Variants in NMT2 observed in about 807,000 individuals in gnomAD.
The protein encoded by NMT2 is N-myristoyltransferase 2.
In NMT2, 35 loss-of-function variants were observed where a neutral mutation model predicts 65.4. That is an observed-to-expected ratio of 0.54 (90% CI 0.41 to 0.71). The LOEUF is 0.71. Ranked by LOEUF, NMT2 falls within the 30% of genes least tolerant of loss-of-function variation. The pLI, the probability that NMT2 is intolerant of heterozygous loss-of-function variation, is 0.00. For missense variants in NMT2, 489 were observed against 611.3 expected, an observed-to-expected ratio of 0.80 and a Z score of 2.11; for synonymous variants, 226 against 231.8, an observed-to-expected ratio of 0.98 and a Z score of 0.23.
intron 1 of NMT2, among the ~76,000 whole-genome samples, chr10:15,149,207 T>C (rs200214173): frequency 3.6e-4 from 47 of 131,902 alleles, no homozygotes. Flanking sequence ...ATCACCACCA[T>C]CATCACCATC....
intron 3 of NMT2, among the ~76,000 whole-genome samples, chr10:15,134,421 G>A (rs934759852): frequency 6.6e-6 from 1 of 152,168 alleles, no homozygotes; most frequent in Admixed American, 6.5e-5. Flanking sequence ...GTCCTCAAGG[G>A]ACGGGCCCCT....
chr10:15,136,245 GAAGGGAAGGGAAGGGA>G (rs1381994187), intron 2 of NMT2, among the ~76,000 whole-genome samples: 2 of 146,766 alleles, frequency 1.4e-5, no homozygotes, highest in African/African-American at 2.5e-5. Flanking sequence ...AAAGGGAAAG[GAAGGGAAGGGAAGGGA>G]AAGGGAAGGG....
chr10:15,162,050 C>T (rs189536119), intron 1 of NMT2, among the ~76,000 whole-genome samples: 5 of 151,958 alleles, frequency 3.3e-5, no homozygotes, highest in Admixed American at 6.6e-5. Context: ...TTCAGGAGTT[C>T]GAGACCAGCC....
rs577993136 is a variant in NMT2, at chr10:15,108,102, C to T, written c.*1093G>A. 212 of 985,342 alleles carry T rather than the reference C, an allele frequency of 2.2e-4. No individual in the cohort carries two copies. The African/African-American group carries it at 3.4e-3, about 16-fold the overall frequency. 61.0% of individuals were successfully genotyped at this position (985,342 alleles called of 1,614,324 possible). ...ACTTTACAGTTTTTTATTTCCTTTT[C>T]TTCATATATCCTTGATGTTGCTGAG... On this transcript the variant is annotated 3_prime_UTR_variant, in exon 12 of 12. Transcript: ENST00000378165.
chr10:15,127,982 C>T (rs1167920552), intron 8 of NMT2, among the ~76,000 whole-genome samples: 1 of 152,120 alleles, frequency 6.6e-6, no homozygotes, highest in Non-Finnish European at 1.5e-5. Context: ...TATTTCCACT[C>T]GCTGGGTCTC....
chr10:15,143,945 T>A (rs902613790), intron 1 of NMT2, among the ~76,000 whole-genome samples: 3 of 152,212 alleles, frequency 2.0e-5, no homozygotes, highest in Admixed American at 6.5e-5. Flanking sequence ...GGAGACATTT[T>A]AAAAAATTAA....
intron 1 of NMT2, among the ~76,000 whole-genome samples, chr10:15,150,491 T>C (rs1041085642): frequency 3.3e-5 from 5 of 152,152 alleles, no homozygotes; most frequent in African/African-American, 1.2e-4. Context: ...TCATCTAAAG[T>C]AGGATTTCAG....
chr10:15,150,819 C>A (rs1470635811), intron 1 of NMT2, among the ~76,000 whole-genome samples: 5 of 152,144 alleles, frequency 3.3e-5, no homozygotes, highest in Non-Finnish European at 5.9e-5. Flanking sequence ...TAGCTCTAGA[C>A]AATGGCTGAA....
intron 2 of NMT2, among the ~76,000 whole-genome samples, chr10:15,136,642 A>T (rs1300972148): frequency 6.6e-6 from 1 of 152,054 alleles, no homozygotes; most frequent in Middle Eastern, 3.2e-3. Context: ...TCCTCTAGAG[A>T]CAAACTCTCC....
intron 8 of NMT2, among the ~76,000 whole-genome samples, chr10:15,126,786 C>A (rs181139549): frequency 6.6e-6 from 1 of 152,216 alleles, no homozygotes; most frequent in East Asian, 1.9e-4. Flanking sequence ...TAAGCTGTGA[C>A]TGGATTTCTG....
rs930920723 is a variant in NMT2 at position 15,105,980 on chromosome 10, A to G, written c.*3215T>C. ...AGGTAAGCTCATGACAAAGTTTCCA[A>G]CTGGCAATGCTGCAGTTATTTATTT... On this transcript the variant is annotated 3_prime_UTR_variant, in exon 12 of 12. Transcript: ENST00000378165. The G allele has an allele frequency of 2.5e-6, 1 of 405,046 alleles. No homozygotes were observed. The highest frequency in any genetic ancestry group is 4.8e-6 in the Non-Finnish European group (1 of 206,436). The allele number at this position is 405,046 out of a possible 1,614,324, so 25.1% of individuals were successfully genotyped here.
At chr10:15,166,587 C>G (rs1178104057) in intron 1 of NMT2, among the ~76,000 whole-genome samples, 2 of 152,158 alleles carry the variant, frequency 1.3e-5, no homozygotes, top group Non-Finnish European at 2.9e-5. Flanking sequence ...TGGAGTTTTC[C>G]TAATCTCCTT....
chr10:15,138,863 C>G (rs1256987622), intron 2 of NMT2, among the ~76,000 whole-genome samples: 1 of 152,166 alleles, frequency 6.6e-6, no homozygotes. Flanking sequence ...AAATTCCCTA[C>G]TGTGATGGTT....
Position 15,107,334 on chromosome 10 carries a change from G to A in NMT2, c.*1861C>T. On this transcript the variant is annotated 3_prime_UTR_variant, in exon 12 of 12. Coordinates refer to ENST00000378165, the MANE Select transcript of NMT2 (RefSeq NM_004808.3). Reference sequence around the variant, plus strand: ...GGCCATAGTTTGGTGGCCCCTGCCTGGGATAAGATATGATTGGTTTCACTG... The same window carrying A: ...GGCCATAGTTTGGTGGCCCCTGCCTAGGATAAGATATGATTGGTTTCACTG... 1 of 985,234 alleles carries A rather than the reference G, an allele frequency of 1.0e-6. No homozygotes were observed. Among genetic ancestry groups the A allele is most frequent in the Non-Finnish European group, 1.2e-6 (1 of 829,728 alleles). 61.0% of individuals were successfully genotyped at this position (985,234 alleles called of 1,614,324 possible).
chr10:15,163,105 G>A (rs1182041819), intron 1 of NMT2, among the ~76,000 whole-genome samples: 5 of 151,962 alleles, frequency 3.3e-5, no homozygotes, highest in Non-Finnish European at 7.4e-5. Flanking sequence ...TCGAGATAGG[G>A]TCTTGCTATG....
At chr10:15,116,568 A>C (rs747576820) in intron 9 of NMT2, among the ~76,000 whole-genome samples, 4 of 152,284 alleles carry the variant, frequency 2.6e-5, no homozygotes, top group Middle Eastern at 3.4e-3. Context: ...AACAATAAAC[A>C]CGAGGGTAGA....
intron 9 of NMT2, among the ~76,000 whole-genome samples, chr10:15,113,486 A>AAAAAAAAAAAAAAAAAAAG (rs1564558939): frequency 7.4e-5 from 11 of 148,920 alleles, no homozygotes; most frequent in African/African-American, 2.7e-4. Context: ...AAAAAAAAAA[A>AAAAAAAAAAAAAAAAAAAG]AAAGAAAGAA....
chr10:15,121,525 G>A (rs2131508289), intron 8 of NMT2, among the ~76,000 whole-genome samples: 1 of 152,242 alleles, frequency 6.6e-6, no homozygotes, highest in East Asian at 1.9e-4. Context: ...CTGCCACCAC[G>A]CCCGGCTAAT....
rs1461906191 is a variant in NMT2 at position 15,140,841 on chromosome 10, C to T, written c.246+581G>A. 5.5e-6 allele frequency: 4 copies of T among 727,394 alleles called. No individual in the cohort carries two copies. In the East Asian group the frequency reaches 1.1e-4, roughly 20 times the overall value. The allele number at this position is 727,394 out of a possible 1,614,324, so 45.1% of individuals were successfully genotyped here. A position where few individuals can be genotyped will look rare whatever the true frequency, so the allele number is the denominator to read the frequency against. On this transcript the variant is annotated intron_variant, in intron 2 of 11. Transcript: ENST00000378165. ...CAGTACAATCAACCCTCTTCTTGGC[C>T]ACCATCTGCCAACACGGGGCCCAGC...
Sources: allele counts gnomAD v4.1 joint callset (sites outside exome capture counted in the v4.1 genomes callset), GRCh38; gene constraint gnomAD v4.1.1; transcripts MANE v1.5; gene names NCBI Gene and HGNC (gene_info 2026-07-23, HGNC 2026-07-21).